The following PHF2 variants were observed in gnomAD, a reference collection of about 807,000 sequenced individuals.
The protein encoded by PHF2 is lysine-specific demethylase PHF2.
In PHF2, 27 loss-of-function variants were observed where a neutral mutation model predicts 120.5. The ratio of observed to expected loss-of-function variants is 0.22; its 90% CI spans 0.17 to 0.31. The LOEUF (loss-of-function observed/expected upper bound fraction) is 0.31, where lower values mean the gene tolerates loss of function less well. Among genes scored for constraint, PHF2 ranks in the 10% least tolerant of loss-of-function variants. The pLI, the probability that PHF2 is intolerant of heterozygous loss-of-function variation, is 1.00. For synonymous variants in PHF2, 568 were observed against 592.5 expected (o/e 0.96, Z 0.60); for missense variants, 1,024 against 1,434.8 (o/e 0.71, Z 4.63).
intron 1 of PHF2, among the ~76,000 whole-genome samples, 191 bp downstream of exon 1, chr9:93,577,062 G>A (rs1157708572): frequency 6.8e-6 from 1 of 146,674 alleles, no homozygotes; most frequent in African/African-American, 2.5e-5. Context: ...CCCAGGGCGG[G>A]GGCGCCAAGC....
At chr9:93,632,325 CAT>C (rs372385917) in intron 2 of PHF2, among the ~76,000 whole-genome samples, 8 of 152,324 alleles carry the variant, frequency 5.3e-5, no homozygotes, top group African/African-American at 9.6e-5. Context: ...TGGCTGTACA[CAT>C]GTGTGTGTGC....
At chr9:93,619,526 G>C (rs775068836) in intron 1 of PHF2, among the ~76,000 whole-genome samples, 1 of 152,242 alleles carries the variant, frequency 6.6e-6, no homozygotes, top group Non-Finnish European at 1.5e-5. Context: ...CTGGTGCTCA[G>C]ATGGCCCCCA....
rs369870862 is a variant in PHF2, at chr9:93,677,565, T to C, written c.3203-23T>C. Reference sequence around the variant, plus strand: ...CCATCTAGCTTACCTTCCCTTTTTGTGTCCCCTCCCCGACTCCCCTAGGAA... The same window carrying C: ...CCATCTAGCTTACCTTCCCTTTTTGCGTCCCCTCCCCGACTCCCCTAGGAA... On this transcript the variant is annotated intron_variant, in intron 21 of 21. Coordinates refer to ENST00000359246, the MANE Select transcript of PHF2 (RefSeq NM_005392.4). The surrounding 1 kb of genome is among the most constrained non-coding windows in gnomAD (Gnocchi z 4.4). 3.1e-6 allele frequency: 5 copies of C among 1,602,368 alleles called. No homozygotes were observed. Among genetic ancestry groups the C allele is most frequent in the Non-Finnish European group, 2.6e-6 (3 of 1,170,216 alleles).
intron 2 of PHF2, among the ~76,000 whole-genome samples, chr9:93,630,413 C>T (rs1344854714): frequency 6.6e-6 from 1 of 152,198 alleles, no homozygotes; most frequent in Admixed American, 6.5e-5. Flanking sequence ...CCCAGCCTAG[C>T]CCGGCCCAGC....
At chr9:93,654,111 C>T (rs1826416101) in intron 6 of PHF2, among the ~76,000 whole-genome samples, 1 of 152,220 alleles carries the variant, frequency 6.6e-6, no homozygotes, top group South Asian at 2.1e-4. Flanking sequence ...GTGGAGCTAC[C>T]TGGAATGCTT....
intron 1 of PHF2, among the ~76,000 whole-genome samples, chr9:93,585,797 C>T (rs1468146901): frequency 2.0e-5 from 3 of 152,232 alleles, no homozygotes; most frequent in African/African-American, 7.2e-5. Flanking sequence ...CCTTATAAAA[C>T]CCCATCAAGG....
chr9:93,632,325 C>G (rs778025829), intron 2 of PHF2, among the ~76,000 whole-genome samples: 3 of 152,206 alleles, frequency 2.0e-5, no homozygotes, highest in Non-Finnish European at 4.4e-5. Context: ...TGGCTGTACA[C>G]ATGTGTGTGT....
intron 14 of PHF2, among the ~76,000 whole-genome samples, chr9:93,664,950 A>T (rs1425113465): frequency 6.6e-6 from 1 of 152,190 alleles, no homozygotes; most frequent in Non-Finnish European, 1.5e-5. Context: ...ATTTGCTCAG[A>T]ATTGGAGCTG....
chr9:93,665,629 C>T (rs1172438671), intron 14 of PHF2, 57 bp from the exon 15 acceptor site: 23 of 1,582,690 alleles, frequency 1.5e-5, no homozygotes, highest in Non-Finnish European at 1.9e-5. Context: ...GAGGTCCTAC[C>T]TGTCCGCTGG....
intron 3 of PHF2, among the ~76,000 whole-genome samples, chr9:93,642,469 C>A (rs185227503): frequency 2.3e-4 from 35 of 152,316 alleles, no homozygotes; most frequent in African/African-American, 7.9e-4. Flanking sequence ...ACTGTCTTGT[C>A]TGACAATGAC....
At chr9:93,581,500 G>C (rs1862929471) in intron 1 of PHF2, among the ~76,000 whole-genome samples, 1 of 152,186 alleles carries the variant, frequency 6.6e-6, no homozygotes, top group Admixed American at 6.5e-5. Context: ...CCCCCTGTGT[G>C]AGTTTTGAAA....
At chr9:93,650,850 A>G (rs1826357582) in intron 5 of PHF2, among the ~76,000 whole-genome samples, 1 of 152,238 alleles carries the variant, frequency 6.6e-6, no homozygotes. Context: ...CGTTTCCGTC[A>G]TGCCTACTTC....
At chr9:93,663,778 A>ACCC in intron 14 of PHF2, 143 bp downstream of exon 14, 1 of 463,196 alleles carries the variant, frequency 2.2e-6, no homozygotes. Context: ...CACACACACC[A>ACCC]CACACTGCAT....
chr9:93,591,343 G>A (rs577126710), intron 1 of PHF2, among the ~76,000 whole-genome samples: 24 of 152,224 alleles, frequency 1.6e-4, no homozygotes, highest in East Asian at 3.8e-4. Flanking sequence ...TTCTGAACTC[G>A]TCTCTGTTAA....
chr9:93,661,516 C>T (rs564853317), intron 12 of PHF2, among the ~76,000 whole-genome samples: 4 of 151,728 alleles, frequency 2.6e-5, no homozygotes, highest in East Asian at 1.9e-4. Context: ...AATGGATTAA[C>T]GAATGGATGA....
At chr9:93,633,422 C>T (rs1826033125) in intron 2 of PHF2, among the ~76,000 whole-genome samples, 1 of 152,196 alleles carries the variant, frequency 6.6e-6, no homozygotes, top group Admixed American at 6.5e-5. Flanking sequence ...CAGCTCCTGA[C>T]TTATACACAG....
intron 2 of PHF2, among the ~76,000 whole-genome samples, chr9:93,630,947 A>G (rs1326862743): frequency 1.3e-5 from 2 of 152,138 alleles, no homozygotes; most frequent in Admixed American, 6.5e-5. Context: ...AGCCCTGGAC[A>G]AGGTGGGGCA....
intron 1 of PHF2, among the ~76,000 whole-genome samples, chr9:93,610,570 C>T (rs1217260872): frequency 1.3e-5 from 2 of 152,154 alleles, no homozygotes; most frequent in Non-Finnish European, 2.9e-5. Flanking sequence ...AGTGCCATCT[C>T]TGGGTCTAGT....
intron 1 of PHF2, among the ~76,000 whole-genome samples, chr9:93,610,002 C>CT (rs1016379547): frequency 4.3e-4 from 66 of 152,166 alleles, no homozygotes; most frequent in African/African-American, 1.5e-3. Flanking sequence ...ACCTCCCTGA[C>CT]TTTTTTCAAG....
Sources: gnomAD v4.1 joint callset for allele counts (sites outside exome capture counted in the v4.1 genomes callset) on GRCh38, gnomAD v4.1.1 for gene constraint, Gnocchi (gnomAD v3.1) non-coding constraint, MANE v1.5 for transcripts, NCBI Gene and HGNC (gene_info 2026-07-23, HGNC 2026-07-21) for gene names.